GLMN: variants seen among roughly 807,000 people sequenced by gnomAD.
GLMN encodes glomulin, FKBP associated protein.
GLMN carries 75 observed loss-of-function variants against 87.8 expected under a neutral mutation model. That is an observed-to-expected ratio of 0.85 (90% CI 0.71 to 1.04). The LOEUF (loss-of-function observed/expected upper bound fraction) is 1.04, where lower values mean the gene tolerates loss of function less well. GLMN is among the 50% of genes least tolerant of loss of function. The probability of loss-of-function intolerance (pLI) is 0.00; values close to 1 mark genes in which losing one functional copy is unlikely to be tolerated. For synonymous variants in GLMN, 206 were observed against 221.6 expected, an observed-to-expected ratio of 0.93 and a Z score of 0.63; for missense variants, 588 against 658.8, an observed-to-expected ratio of 0.89 and a Z score of 1.18.
the GLMN span, chr1:92,307,297 T>C: frequency 4.7e-6 from 7 of 1,476,410 alleles, no homozygotes; most frequent in African/African-American, 1.4e-5. Context: ...TCATTGTGTA[T>C]ATACATTTGT....
At chr1:92,268,801 A>C (rs752035489) in intron 9 of GLMN, among the ~76,000 whole-genome samples, 3 of 152,218 alleles carry the variant, frequency 2.0e-5, no homozygotes, top group Admixed American at 2.0e-4. Flanking sequence ...AACTGATCTC[A>C]GGGGATAATT....
the GLMN span, among the ~76,000 whole-genome samples, chr1:92,330,821 C>A: frequency 6.6e-6 from 1 of 152,156 alleles, no homozygotes; most frequent in African/African-American, 2.4e-5. Flanking sequence ...TAGACTAATA[C>A]AGTGCTTACT....
the GLMN span, among the ~76,000 whole-genome samples, chr1:92,325,348 A>G: frequency 1.2e-4 from 19 of 152,296 alleles, no homozygotes; most frequent in African/African-American, 4.6e-4. Flanking sequence ...ATATATTTCT[A>G]TAGAGTGTTG....
At chr1:92,274,263 A>T (rs975330490) in intron 7 of GLMN, among the ~76,000 whole-genome samples, 1 of 152,112 alleles carries the variant, frequency 6.6e-6, no homozygotes, top group Non-Finnish European at 1.5e-5. Context: ...GCTTTAACTA[A>T]ACCTGTCTGA....
At chr1:92,282,630 A>G (rs1648206346) in intron 7 of GLMN, among the ~76,000 whole-genome samples, 2 of 152,228 alleles carry the variant, frequency 1.3e-5, no homozygotes, top group South Asian at 4.1e-4. Flanking sequence ...AGATCAGGGC[A>G]GAACTGAAGG....
the GLMN span, among the ~76,000 whole-genome samples, chr1:92,317,279 C>T: frequency 3.9e-5 from 6 of 152,152 alleles, no homozygotes; most frequent in South Asian, 2.1e-4. Flanking sequence ...GAGGCCGAGG[C>T]GGGTGAATCA....
intron 3 of GLMN, among the ~76,000 whole-genome samples, 192 bp downstream of exon 3, chr1:92,297,212 A>G (rs1650189629): frequency 6.7e-6 from 1 of 149,372 alleles, no homozygotes; most frequent in Non-Finnish European, 1.5e-5. Flanking sequence ...TTGGCCTCCC[A>G]TAACGCTGTG....
At chr1:92,308,096 C>T in the GLMN span, among the ~76,000 whole-genome samples, 1 of 151,844 alleles carries the variant, frequency 6.6e-6, no homozygotes, top group South Asian at 2.1e-4. Context: ...AAAAGCAAAC[C>T]TTGAAGTCTT....
intron 1 of GLMN, 86 bp from the exon 2 acceptor site, chr1:92,298,115 T>G: frequency 1.5e-6 from 1 of 676,098 alleles, no homozygotes; most frequent in Admixed American, 2.5e-5. Flanking sequence ...AAATTATTAG[T>G]AAATACAATA....
chr1:92,314,592 A>T, the GLMN span, among the ~76,000 whole-genome samples: 3 of 151,602 alleles, frequency 2.0e-5, no homozygotes, highest in Non-Finnish European at 4.4e-5. Context: ...TCTACTAAAA[A>T]TACAAAAATA....
chr1:92,304,117 T>C, the GLMN span: 1 of 1,419,770 alleles, frequency 7.0e-7, no homozygotes, highest in East Asian at 2.3e-5. Context: ...TTTTATTATT[T>C]TCATTTAGCA....
the GLMN span, among the ~76,000 whole-genome samples, chr1:92,360,056 C>CT: frequency 6.6e-6 from 1 of 152,180 alleles, no homozygotes; most frequent in Non-Finnish European, 1.5e-5. Context: ...AAAACATATA[C>CT]TTTGCCCAAG....
chr1:92,310,512 G>A, the GLMN span, among the ~76,000 whole-genome samples: 1 of 152,176 alleles, frequency 6.6e-6, no homozygotes, highest in Non-Finnish European at 1.5e-5. Flanking sequence ...AGTATTTAAT[G>A]CAGAGATATT....
the GLMN span, among the ~76,000 whole-genome samples, chr1:92,312,373 CACACCACTGCACTCCAGCCTTGGCA>C: frequency 4.6e-5 from 7 of 151,154 alleles, no homozygotes; most frequent in Non-Finnish European, 8.8e-5. Context: ...TGAGTTAGAT[CACACCACTGCACTCCAGCCTTGGCA>C]ACAGAGCAAG....
chr1:92,263,599 G>T, intron 15 of GLMN, 24 bp downstream of exon 15: 1 of 963,658 alleles, frequency 1.0e-6, no homozygotes, highest in South Asian at 1.3e-5. Flanking sequence ...TTTACTATGT[G>T]AACTTTGGTA....
At chr1:92,331,507 A>G in the GLMN span, among the ~76,000 whole-genome samples, 1 of 152,156 alleles carries the variant, frequency 6.6e-6, no homozygotes, top group South Asian at 2.1e-4. Context: ...TGATCATTAA[A>G]TGGTTACCCT....
intron 3 of GLMN, among the ~76,000 whole-genome samples, chr1:92,292,677 C>T (rs560192788): frequency 1.3e-4 from 20 of 148,568 alleles, no homozygotes; most frequent in Admixed American, 4.0e-4. Flanking sequence ...CCCACCTCAG[C>T]CTCCCAAAGT....
intron 16 of GLMN, among the ~76,000 whole-genome samples, chr1:92,261,822 C>T (rs962324): frequency 0.26 from 39,568 of 150,432 alleles, 6,552 homozygotes; most frequent in Non-Finnish European, 0.35. Context: ...AATAGACTGA[C>T]GGAGTGATAG....
chr1:92,276,079 G>A (rs1647260586), intron 7 of GLMN, among the ~76,000 whole-genome samples: 1 of 151,922 alleles, frequency 6.6e-6, no homozygotes, highest in African/African-American at 2.4e-5. Flanking sequence ...TTTTAAATTA[G>A]CCAGGCATGC....
Sources: gnomAD v4.1 joint callset for allele counts (sites outside exome capture counted in the v4.1 genomes callset) on GRCh38, gnomAD v4.1.1 for gene constraint, MANE v1.5 for transcripts, NCBI Gene and HGNC (gene_info 2026-07-23, HGNC 2026-07-21) for gene names.